SORCS2: variants seen among roughly 807,000 people sequenced by gnomAD.
SORCS2 encodes the protein sortilin related VPS10 domain containing receptor 2.
Under a neutral mutation model 141.6 loss-of-function variants are expected in SORCS2, and 100 were observed. The ratio of observed to expected loss-of-function variants is 0.71; its 90% confidence interval spans 0.60 to 0.83. The LOEUF (loss-of-function observed/expected upper bound fraction) is 0.83. SORCS2 is among the 40% of genes least tolerant of loss of function. The probability of loss-of-function intolerance (pLI) is 0.00; values close to 1 mark genes in which losing one functional copy is unlikely to be tolerated. For synonymous variants in SORCS2, 789 were observed against 676.9 expected (o/e 1.17, Z -2.57); for missense variants, 1,646 against 1,560.2 (o/e 1.05, Z -0.93).
intron 1 of SORCS2, among the ~76,000 whole-genome samples, chr4:7,348,509 G>A (rs553521442): frequency 5.9e-5 from 9 of 152,234 alleles, no homozygotes; most frequent in Admixed American, 5.2e-4. Context: ...GTGCCCTGGC[G>A]AAGACCATGT....
intron 2 of SORCS2, among the ~76,000 whole-genome samples, chr4:7,397,583 C>G (rs56871120): frequency 2.6e-5 from 4 of 151,980 alleles, no homozygotes; most frequent in African/African-American, 9.7e-5. Flanking sequence ...CCTGCCACGG[C>G]CCCCCGTTGC....
intron 5 of SORCS2, 79 bp downstream of exon 5, chr4:7,654,286 AT>A (rs1721618022): frequency 3.5e-6 from 5 of 1,413,686 alleles, no homozygotes; most frequent in Non-Finnish European, 4.9e-6. Context: ...TTGGGAGCCC[AT>A]CCCTGCAGCT....
At chr4:7,509,379 G>C (rs181282590) in intron 2 of SORCS2, among the ~76,000 whole-genome samples, 183 of 152,182 alleles carry the variant, frequency 1.2e-3, no homozygotes, top group Middle Eastern at 3.4e-3. Context: ...AGTCCGGTGG[G>C]AGTCCTGGGC....
chr4:7,277,245 G>A (rs996511908), intron 1 of SORCS2, among the ~76,000 whole-genome samples: 3 of 152,164 alleles, frequency 2.0e-5, no homozygotes, highest in Non-Finnish European at 4.4e-5. Context: ...TGAAGGCAGA[G>A]GAAAGAAGGG....
chr4:7,406,703 A>G (rs1053393355), intron 2 of SORCS2, among the ~76,000 whole-genome samples: 15 of 151,594 alleles, frequency 9.9e-5, no homozygotes, highest in African/African-American at 2.9e-4. Context: ...GATTTTCTGT[A>G]TAGTTTGGTA....
chr4:7,717,667 G>A (rs540467330), intron 17 of SORCS2, among the ~76,000 whole-genome samples: 13 of 152,328 alleles, frequency 8.5e-5, no homozygotes, highest in South Asian at 4.1e-4. Context: ...CAGCAAGACC[G>A]TGAAATTGAA....
chr4:7,638,383 C>T lies in SORCS2; in HGVS notation c.704C>T (p.Ala235Val). The T allele has an allele frequency of 6.4e-7, 1 of 1,570,360 alleles. No homozygotes were observed. The highest frequency in any genetic ancestry group is 8.6e-7 in the Non-Finnish European group (1 of 1,162,486). The change falls in exon 4 of 27, where the codon GCA (alanine) becomes GTA (valine). Residue 235 changes from alanine to valine, a missense_variant. Ala to Val is a moderately conservative substitution (Grantham distance 64, BLOSUM62 0). Coordinates refer to ENST00000507866, the MANE Select transcript of SORCS2 (RefSeq NM_020777.3). Reference sequence around the variant, plus strand: ...CGGGACCAGAGCCTATTCCTCAGCGCAGACGAAGGCGCCACCTTTCAGAAG... The same window carrying T: ...CGGGACCAGAGCCTATTCCTCAGCGTAGACGAAGGCGCCACCTTTCAGAAG... ...SDRDQSLFLS[A>V]DEGATFQKQP...
chr4:7,221,514 G>T (rs138143849), intron 1 of SORCS2, among the ~76,000 whole-genome samples: 1 of 152,342 alleles, frequency 6.6e-6, no homozygotes, highest in Non-Finnish European at 1.5e-5. Flanking sequence ...GGCAGGTTCG[G>T]ATTACCCCAA....
intron 14 of SORCS2, 138 bp downstream of exon 14, chr4:7,704,422 G>A: frequency 2.6e-6 from 2 of 759,662 alleles, no homozygotes; most frequent in Middle Eastern, 3.8e-4. Context: ...CCCCTTGCTG[G>A]TGAGGACAGG....
At chr4:7,525,930 A>C (rs1428421377) in intron 2 of SORCS2, among the ~76,000 whole-genome samples, 8 of 45,044 alleles carry the variant, frequency 1.8e-4, no homozygotes, top group Admixed American at 2.9e-4. Flanking sequence ...CCCTCCTCAC[A>C]CCTGTCCCCT....
At chr4:7,402,630 CAG>C (rs1398850964) in intron 2 of SORCS2, among the ~76,000 whole-genome samples, 1 of 152,206 alleles carries the variant, frequency 6.6e-6, no homozygotes, top group Non-Finnish European at 1.5e-5. Flanking sequence ...CGTCTCCAGT[CAG>C]ATGCTTGGAT....
chr4:7,443,078 G>A (rs1218496057), intron 2 of SORCS2, among the ~76,000 whole-genome samples: 2 of 152,210 alleles, frequency 1.3e-5, no homozygotes, highest in Admixed American at 6.5e-5. Flanking sequence ...CCAGTCATTG[G>A]ATTTAGGGCC....
At chr4:7,476,971 A>G (rs1730336766) in intron 2 of SORCS2, among the ~76,000 whole-genome samples, 1 of 152,176 alleles carries the variant, frequency 6.6e-6, no homozygotes, top group African/African-American at 2.4e-5. Context: ...AAATTCCCCA[A>G]GGCGCTCTGA....
At chr4:7,697,322 G>C in intron 12 of SORCS2, 48 bp downstream of exon 12, 2 of 1,471,584 alleles carry the variant, frequency 1.4e-6, no homozygotes, top group Non-Finnish European at 1.9e-6. Flanking sequence ...ATCCAGCCGG[G>C]ACCCTCAGGA....
In SORCS2 at chr4:7,438,825, C is replaced by T. The variant is rs116255610; in HGVS notation, c.548+42470C>T. ...CCTTTCCTCTCACCTGTCCACCTAC[C>T]TAGTCACCTACCCATCTGTCCCCAC... On this transcript the variant is annotated intron_variant, in intron 2 of 26. Coordinates refer to ENST00000507866, the MANE Select transcript of SORCS2 (RefSeq NM_020777.3). 4.2e-3 allele frequency among the ~76,000 whole-genome samples: 635 copies of T among 152,242 alleles called. 3 individuals carry two copies. Among genetic ancestry groups the T allele is most frequent in the African/African-American group, 0.014 (597 of 41,538 alleles).
At chr4:7,372,707 C>G (rs1722335970) in intron 1 of SORCS2, among the ~76,000 whole-genome samples, 1 of 152,192 alleles carries the variant, frequency 6.6e-6, no homozygotes, top group African/African-American at 2.4e-5. Context: ...TTTCCCTCAC[C>G]CCCCAGAAGT....
intron 2 of SORCS2, among the ~76,000 whole-genome samples, chr4:7,425,390 C>T (rs947070562): frequency 5.1e-4 from 77 of 152,326 alleles, no homozygotes; most frequent in African/African-American, 1.6e-3. Flanking sequence ...AAGGTGCACT[C>T]GCTTCTGCTG....
intron 2 of SORCS2, among the ~76,000 whole-genome samples, chr4:7,418,118 C>T (rs550007870): frequency 6.6e-6 from 1 of 152,274 alleles, no homozygotes; most frequent in African/African-American, 2.4e-5. Flanking sequence ...ACCCACCTTC[C>T]CTTCCTCCTT....
intron 3 of SORCS2, among the ~76,000 whole-genome samples, chr4:7,554,165 A>C (rs1005328669): frequency 6.6e-6 from 1 of 152,160 alleles, no homozygotes; most frequent in Non-Finnish European, 1.5e-5. Context: ...GGGGCACTAC[A>C]TATCATGGGG....
Sources: gnomAD v4.1 joint callset for allele counts (sites outside exome capture counted in the v4.1 genomes callset) on GRCh38, gnomAD v4.1.1 for gene constraint, MANE v1.5 for transcripts, NCBI Gene and HGNC (gene_info 2026-07-23, HGNC 2026-07-21) for gene names.